CPOX: variants seen among roughly 807,000 people sequenced by gnomAD.
The protein encoded by CPOX is oxygen-dependent coproporphyrinogen-III oxidase, mitochondrial.
CPOX carries 24 observed loss-of-function variants against 48.9 expected under a neutral mutation model. That is an observed-to-expected ratio of 0.49 (90% CI 0.36 to 0.69). The LOEUF is 0.69. CPOX is among the 30% of genes least tolerant of loss of function. The pLI is 0.00. For synonymous variants in CPOX, 249 were observed against 234.6 expected (o/e 1.06, Z -0.56); for missense variants, 549 against 597.3 (o/e 0.92, Z 0.84).
downstream of CPOX, among the ~76,000 whole-genome samples, chr3:98,578,530 C>G (rs1156629511): frequency 6.6e-6 from 1 of 152,144 alleles, no homozygotes; most frequent in Non-Finnish European, 1.5e-5. Flanking sequence ...TATATACAGT[C>G]TAGTAACCAT....
In CPOX at chr3:98,580,658, C is replaced by T; in HGVS notation, c.*25G>A. The T allele has an allele frequency of 1.9e-6, 3 of 1,613,634 alleles. No individual in the cohort carries two copies. In the South Asian group the frequency reaches 3.3e-5, roughly 18 times the overall value. On this transcript the variant is annotated 3_prime_UTR_variant, in exon 7 of 7. Coordinates refer to ENST00000647941, the MANE Select transcript of CPOX (RefSeq NM_000097.7). Reference sequence around the variant, plus strand: ...GAGCACACATCGTGTGCCCTCCAAACCCCTGCACAGCCATTCTGCCTGCAT... The same window carrying T: ...GAGCACACATCGTGTGCCCTCCAAATCCCTGCACAGCCATTCTGCCTGCAT...
intron 3 of CPOX, among the ~76,000 whole-genome samples, chr3:98,589,384 C>T (rs1401887198): frequency 1.3e-5 from 2 of 152,020 alleles, no homozygotes; most frequent in African/African-American, 4.8e-5. Flanking sequence ...GACAGTGGAA[C>T]TTGCAAGGAA....
the CPOX span, among the ~76,000 whole-genome samples, chr3:98,573,126 A>G: frequency 1.3e-5 from 2 of 152,192 alleles, no homozygotes; most frequent in Non-Finnish European, 2.9e-5. Context: ...TTCCTCTGAG[A>G]GTCAAATTAA....
chr3:98,576,867 A>G (rs1369055610), downstream of CPOX, among the ~76,000 whole-genome samples: 1 of 152,202 alleles, frequency 6.6e-6, no homozygotes, highest in East Asian at 1.9e-4. Flanking sequence ...GTGTTGGAAA[A>G]CAAAGGTTAA....
In CPOX at chr3:98,593,192, T is replaced by C; in HGVS notation, c.313A>G (p.Thr105Ala). 1.2e-6 allele frequency: 2 copies of C among 1,603,976 alleles called. No homozygotes were observed. Among genetic ancestry groups the C allele is most frequent in the Admixed American group, 1.7e-5 (1 of 59,590 alleles). The change falls in exon 1 of 7, where the codon ACC becomes GCC. Residue 105 changes from threonine (T) to alanine (A), a missense_variant. By Grantham distance (58) the Thr-to-Ala change is moderately conservative. Coordinates refer to ENST00000647941, the MANE Select transcript of CPOX (RefSeq NM_000097.7). ...AGCGAAGTGGCCCGCGTCCCCGAGG[T>C]CTTAGGCAACATCTCCGCCCGCTGC... Reference protein sequence around the residue: ...HVQRAEMLPKTSGTRATSLGR... With the variant: ...HVQRAEMLPKASGTRATSLGR...
chr3:98,581,707 CA>C (rs1056170713), intron 5 of CPOX, among the ~76,000 whole-genome samples, 196 bp from the exon 6 acceptor site: 5 of 152,150 alleles, frequency 3.3e-5, no homozygotes, highest in Non-Finnish European at 7.4e-5. Context: ...TTCTACCCAC[CA>C]AACAATAGAA....
chr3:98,590,212 A>C (rs1707451050), intron 3 of CPOX, among the ~76,000 whole-genome samples: 3 of 152,224 alleles, frequency 2.0e-5, no homozygotes, highest in Non-Finnish European at 4.4e-5. Flanking sequence ...CAGTGGCACA[A>C]TCTCCGCTCA....
chr3:98,582,566 C>A (rs925710466), intron 5 of CPOX, among the ~76,000 whole-genome samples: 2 of 151,506 alleles, frequency 1.3e-5, no homozygotes, highest in African/African-American at 2.4e-5. Context: ...AATCTCAGCT[C>A]ACTGCAAGCT....
downstream of CPOX, among the ~76,000 whole-genome samples, chr3:98,577,552 G>A (rs895231603): frequency 1.3e-5 from 2 of 152,228 alleles, no homozygotes; most frequent in Non-Finnish European, 2.9e-5. Flanking sequence ...GTGGTTTTGA[G>A]TGTGGAAGGC....
chr3:98,577,019 G>T (rs1707172103), downstream of CPOX, among the ~76,000 whole-genome samples: 2 of 152,112 alleles, frequency 1.3e-5, no homozygotes, highest in African/African-American at 4.8e-5. Context: ...TGAAAGGGTA[G>T]AAGAGATTGA....
chr3:98,592,894 G>A, intron 1 of CPOX, 55 bp downstream of exon 1: 2 of 1,555,988 alleles, frequency 1.3e-6, no homozygotes, highest in Non-Finnish European at 8.7e-7. Flanking sequence ...TCTGCAACCT[G>A]GAACCTGACC....
chr3:98,593,154 C>T lies in CPOX; in HGVS notation c.351G>A (p.Glu117=), dbSNP rs746166764. ...GGTGGGCCAGCTCATCCTCCTCCTC[C>T]TCCGGCCTCCCCAGCGAAGTGGCCC... The part of the protein sequence containing the change: ...GTRATSLGRP[E]EEEDELAHRC... The change falls in exon 1 of 7, where the codon GAG becomes GAA. Residue 117 remains glutamate (E), a synonymous_variant. Transcript: ENST00000647941. The T allele has an allele frequency of 5.6e-6, 9 of 1,612,382 alleles. No individual in the cohort carries two copies. The South Asian group carries it at 9.9e-5, about 18-fold the overall frequency.
rs1468010352 is a variant in CPOX, at chr3:98,593,562, C to G, written c.-58G>C. On this transcript the variant is annotated 5_prime_UTR_variant, in exon 1 of 7. Coordinates refer to ENST00000647941, the MANE Select transcript of CPOX (RefSeq NM_000097.7). ...GTCCCAGAGCCCTGCGTTTGAGCCC[C>G]CCACCCAGACCCCCGGAGTATTGAG... The G allele has an allele frequency of 2.0e-6, 3 of 1,470,836 alleles. No individual in the cohort carries two copies. The highest frequency in any genetic ancestry group is 5.4e-5 in the East Asian group (2 of 37,064). 91.1% of individuals were successfully genotyped at this position (1,470,836 alleles called of 1,614,324 possible). A position where few individuals can be genotyped will look rare whatever the true frequency, so the allele number is the denominator to read the frequency against.
chr3:98,586,785 A>G (rs947000526), intron 4 of CPOX, among the ~76,000 whole-genome samples: 1 of 152,184 alleles, frequency 6.6e-6, no homozygotes, highest in Non-Finnish European at 1.5e-5. Context: ...TCCACTAAAA[A>G]TACAAAAAAT....
intron 6 of CPOX, 79 bp from the exon 7 acceptor site, chr3:98,580,849 T>C (rs1707245642): frequency 6.9e-7 from 1 of 1,451,708 alleles, no homozygotes; most frequent in Non-Finnish European, 9.3e-7. Flanking sequence ...AAATGAAAAA[T>C]AAAATCCTAA....
At position 98,593,158 on chromosome 3, in the gene CPOX, G is replaced by A. The variant is rs376755317; in HGVS notation, c.347C>T (p.Pro116Leu). The change falls in exon 1 of 7, where the codon CCG (proline) becomes CTG (leucine). Residue 116 changes from proline to leucine, a missense_variant. Physicochemically the swap from Pro to Leu is moderately conservative, Grantham distance 98 (BLOSUM62 -3). Transcript: ENST00000647941. ...SGTRATSLGR[P>L]EEEEDELAHR... ...GGCCAGCTCATCCTCCTCCTCCTCC[G>A]GCCTCCCCAGCGAAGTGGCCCGCGT... is the stretch of plus-strand genomic sequence containing the variant. The A allele has an allele frequency of 1.2e-6, 2 of 1,611,622 alleles. No homozygotes were observed. The highest frequency in any genetic ancestry group is 2.2e-5 in the East Asian group (1 of 44,842).
chr3:98,580,827 T>C (rs1707245436), intron 6 of CPOX, 57 bp from the exon 7 acceptor site: 52 of 1,581,034 alleles, frequency 3.3e-5, no homozygotes, highest in Non-Finnish European at 4.5e-5. Flanking sequence ...CACATACCTC[T>C]TTACTTAAAA....
downstream of CPOX, among the ~76,000 whole-genome samples, chr3:98,574,735 C>A (rs1211952255): frequency 6.6e-6 from 1 of 152,136 alleles, no homozygotes; most frequent in Non-Finnish European, 1.5e-5. Context: ...CCCATCACCA[C>A]GCCTGGCTAA....
At position 98,585,536 on chromosome 3, in the gene CPOX, C is replaced by G; in HGVS notation, c.1077G>C (p.Arg359Ser). The stretch of plus-strand genomic sequence containing the variant: ...GGGGAATGTAAGAAGGAACTACAGC[C>G]CTGGCACAGCTCTGTACAAAGCGAA... ...EVFRFVQSCA[R>S]AVVPSYIPLV... is the part of the protein sequence containing the mutation. The change falls in exon 5 of 7, where the codon AGG becomes AGC. Residue 359 changes from arginine to serine, a missense_variant. Coordinates refer to ENST00000647941, the MANE Select transcript of CPOX (RefSeq NM_000097.7). 1 of 1,614,042 alleles carries G rather than the reference C, an allele frequency of 6.2e-7. No homozygotes were observed. Among genetic ancestry groups the G allele is most frequent in the Non-Finnish European group, 8.5e-7 (1 of 1,179,980 alleles).
Sources: allele counts gnomAD v4.1 joint callset (sites outside exome capture counted in the v4.1 genomes callset), GRCh38; gene constraint gnomAD v4.1.1; transcripts MANE v1.5; gene names NCBI Gene and HGNC (gene_info 2026-07-23, HGNC 2026-07-21).